The following GALNT13 variants were observed in gnomAD, a reference collection of about 807,000 sequenced individuals.
The protein encoded by GALNT13 is UDP-GalNAc:polypeptide N-acetylgalactosaminyltransferase 13.
Under a neutral mutation model 64.2 loss-of-function variants are expected in GALNT13, and 28 were observed. The ratio of observed to expected loss-of-function variants is 0.44; its 90% CI spans 0.32 to 0.60. The LOEUF is 0.60. GALNT13 is among the 20% of genes least tolerant of loss of function. The probability of loss-of-function intolerance (pLI) is 0.05; values close to 1 mark genes in which losing one functional copy is unlikely to be tolerated. For missense variants in GALNT13, 577 were observed against 669.8 expected (o/e 0.86, Z 1.53); for synonymous variants, 214 against 224.6 (o/e 0.95, Z 0.42).
chr2:153,627,352 T>C, the GALNT13 span, among the ~76,000 whole-genome samples: 4 of 152,132 alleles, frequency 2.6e-5, no homozygotes, highest in Non-Finnish European at 4.4e-5. Context: ...TGTGAAAACA[T>C]CCTTAGAGTT....
upstream of GALNT13, among the ~76,000 whole-genome samples, chr2:153,867,068 G>C (rs1183270811): frequency 6.6e-6 from 1 of 152,160 alleles, no homozygotes; most frequent in Non-Finnish European, 1.5e-5. Context: ...CAGTCAATCT[G>C]CAGCTGACAT....
At chr2:154,369,793 A>T (rs564623916) in intron 9 of GALNT13, among the ~76,000 whole-genome samples, 33 of 152,318 alleles carry the variant, frequency 2.2e-4, no homozygotes, top group African/African-American at 7.7e-4. Context: ...GAAGACCAAG[A>T]TTAAGGTGTC....
chr2:154,289,927 A>G, intron 8 of GALNT13, among the ~76,000 whole-genome samples: 1 of 152,188 alleles, frequency 6.6e-6, no homozygotes, highest in East Asian at 1.9e-4. Flanking sequence ...CTTTGAGTCT[A>G]GTGAGAGAGA....
At chr2:153,656,328 GTGTGTGTGTGTGCGCGCGCACATA>G in the GALNT13 span, among the ~76,000 whole-genome samples, 1 of 149,206 alleles carries the variant, frequency 6.7e-6, no homozygotes, top group Non-Finnish European at 1.5e-5. Flanking sequence ...GTGTGTGTGT[GTGTGTGTGTGTGCGCGCGCACATA>G]TGTGTGTGTG....
chr2:153,497,954 G>A, the GALNT13 span, among the ~76,000 whole-genome samples: 5 of 152,184 alleles, frequency 3.3e-5, no homozygotes, highest in Admixed American at 6.5e-5. Context: ...TGCTTTGTAG[G>A]TTAATGTATA....
chr2:154,366,546 G>A (rs1249336116), intron 9 of GALNT13, among the ~76,000 whole-genome samples: 1 of 152,156 alleles, frequency 6.6e-6, no homozygotes, highest in Non-Finnish European at 1.5e-5. Context: ...AGTACAATGA[G>A]TTAAACTGTT....
chr2:154,153,590 C>T (rs909781232), intron 4 of GALNT13, among the ~76,000 whole-genome samples: 4 of 152,358 alleles, frequency 2.6e-5, no homozygotes, highest in South Asian at 4.1e-4. Flanking sequence ...CCACCCATTT[C>T]GAGCTTCCTG....
chr2:153,533,214 G>C, the GALNT13 span, among the ~76,000 whole-genome samples: 2 of 151,906 alleles, frequency 1.3e-5, no homozygotes, highest in Admixed American at 6.6e-5. Context: ...AGGTGTAGTT[G>C]GTCTTTTTAG....
intron 4 of GALNT13, among the ~76,000 whole-genome samples, chr2:154,207,320 G>C (rs111558062): frequency 1.3e-4 from 20 of 152,024 alleles, no homozygotes; most frequent in Non-Finnish European, 2.6e-4. Flanking sequence ...TGCCTTTGCT[G>C]TCTCCTTTTG....
chr2:153,857,859 ATCAT>A, the GALNT13 span, among the ~76,000 whole-genome samples: 1 of 152,174 alleles, frequency 6.6e-6, no homozygotes, highest in Non-Finnish European at 1.5e-5. Flanking sequence ...GGGGAAAATA[ATCAT>A]GCCCATAACT....
At chr2:153,295,265 A>C in the GALNT13 span, among the ~76,000 whole-genome samples, 1 of 152,220 alleles carries the variant, frequency 6.6e-6, no homozygotes, top group Non-Finnish European at 1.5e-5. Flanking sequence ...TATCACCTGT[A>C]AGTATACATG....
intron 9 of GALNT13, among the ~76,000 whole-genome samples, chr2:154,328,814 T>A (rs781302393): frequency 2.0e-5 from 3 of 152,152 alleles, no homozygotes; most frequent in Non-Finnish European, 4.4e-5. Flanking sequence ...TTTAAAAGTG[T>A]AATGTGAAAA....
intron 3 of GALNT13, among the ~76,000 whole-genome samples, chr2:153,970,582 C>A (rs1266030249): frequency 6.6e-6 from 1 of 152,066 alleles, no homozygotes; most frequent in African/African-American, 2.4e-5. Flanking sequence ...CTTTACATAG[C>A]CATGTTATAC....
At chr2:154,240,018 A>G (rs956408578) in intron 4 of GALNT13, among the ~76,000 whole-genome samples, 3 of 152,198 alleles carry the variant, frequency 2.0e-5, no homozygotes, top group Admixed American at 6.5e-5. Context: ...TTCAGTTTAT[A>G]TTATGGTACT....
the GALNT13 span, among the ~76,000 whole-genome samples, chr2:153,118,145 A>ACCCC: frequency 5.0e-4 from 74 of 147,470 alleles, 1 homozygote; most frequent in East Asian, 6.3e-3. Flanking sequence ...ACACACACAC[A>ACCCC]CCCCACATAA....
At chr2:153,355,364 C>T in the GALNT13 span, among the ~76,000 whole-genome samples, 2 of 152,144 alleles carry the variant, frequency 1.3e-5, no homozygotes, top group East Asian at 1.9e-4. Context: ...TGTATTCCCT[C>T]ATTCTGTATT....
chr2:153,233,268 T>G, the GALNT13 span, among the ~76,000 whole-genome samples: 1 of 152,168 alleles, frequency 6.6e-6, no homozygotes, highest in South Asian at 2.1e-4. Flanking sequence ...GAGTGGCAAT[T>G]GCTTCCTTTA....
intron 4 of GALNT13, among the ~76,000 whole-genome samples, chr2:154,158,361 C>G (rs1048580949): frequency 2.0e-5 from 3 of 152,154 alleles, no homozygotes; most frequent in Non-Finnish European, 4.4e-5. Context: ...CTCATCATCT[C>G]ATTAAAAATA....
chr2:154,076,660 G>T lies in GALNT13; in HGVS notation c.143-63677G>T, dbSNP rs1701004635. Among the ~76,000 whole-genome samples the T allele has an allele frequency of 4.0e-5, 6 of 151,542 alleles. No individual in the cohort carries two copies. The Admixed American group carries it at 4.0e-4, about 10-fold the overall frequency. ...TGTCCAAAGTTGGACCCTTTTTCTTGGATAAATGCTAAACTGGGTGGGATA... is the reference window on the plus strand; with the variant it reads ...TGTCCAAAGTTGGACCCTTTTTCTTTGATAAATGCTAAACTGGGTGGGATA... On this transcript the variant is annotated intron_variant, in intron 3 of 12. Coordinates refer to ENST00000392825, the MANE Select transcript of GALNT13 (RefSeq NM_052917.4).
Sources: gnomAD v4.1 joint callset for allele counts (sites outside exome capture counted in the v4.1 genomes callset) on GRCh38, gnomAD v4.1.1 for gene constraint, MANE v1.5 for transcripts, NCBI Gene and HGNC (gene_info 2026-07-23, HGNC 2026-07-21) for gene names.